The following DACH1 variants were observed in gnomAD, a reference collection of about 807,000 sequenced individuals.
DACH1 encodes the protein dachshund homolog 1.
In DACH1, 12 loss-of-function variants were observed where a neutral mutation model predicts 54.2. The ratio of observed to expected loss-of-function variants is 0.22; its 90% CI spans 0.14 to 0.36. DACH1 has a LOEUF of 0.36. DACH1 is among the 10% of genes least tolerant of loss of function. DACH1 has a pLI of 1.00. For missense variants in DACH1, 805 were observed against 929.8 expected (o/e 0.87, Z 1.75); for synonymous variants, 386 against 366.2 (o/e 1.05, Z -0.62).
intron 6 of DACH1, among the ~76,000 whole-genome samples, chr13:71,520,242 T>C (rs534903619): frequency 1.3e-5 from 2 of 151,576 alleles, no homozygotes; most frequent in South Asian, 2.1e-4. Context: ...AATGGTACCA[T>C]CTTCAGAAGA....
intron 10 of DACH1, among the ~76,000 whole-genome samples, chr13:71,447,409 T>C (rs1453682763): frequency 6.6e-6 from 1 of 152,242 alleles, no homozygotes; most frequent in Non-Finnish European, 1.5e-5. Context: ...TTTAATGTAT[T>C]ATTATATGAA....
chr13:71,835,884 C>G (rs566116298), intron 1 of DACH1, among the ~76,000 whole-genome samples: 1 of 152,022 alleles, frequency 6.6e-6, no homozygotes, highest in Non-Finnish European at 1.5e-5. Context: ...CTTCTACTAT[C>G]TCATAAAATC....
chr13:71,543,722 C>T (rs911241084), intron 6 of DACH1, among the ~76,000 whole-genome samples: 3 of 152,084 alleles, frequency 2.0e-5, no homozygotes, highest in Admixed American at 1.3e-4. Context: ...GAGAATGTAG[C>T]ACCATTCATC....
In DACH1 at chr13:71,682,470, C is replaced by T. The variant is rs182627549; in HGVS notation, c.849-560G>A. Reference sequence around the variant, plus strand: ...TTTTCGATGATATGTTTTATTACTTCGCACTGCTAGCCTGATATCTAGATG... The same window carrying T: ...TTTTCGATGATATGTTTTATTACTTTGCACTGCTAGCCTGATATCTAGATG... On this transcript the variant is annotated intron_variant, in intron 1 of 10. Coordinates refer to ENST00000613252, the MANE Select transcript of DACH1 (RefSeq NM_080759.6). Among the ~76,000 whole-genome samples the T allele has an allele frequency of 2.8e-4, 42 of 152,224 alleles. 1 individual carries two copies. The highest frequency in any genetic ancestry group is 2.3e-3 in the South Asian group (11 of 4,812).
chr13:71,487,741 C>T (rs1878655873), intron 7 of DACH1, among the ~76,000 whole-genome samples: 1 of 152,086 alleles, frequency 6.6e-6, no homozygotes, highest in South Asian at 2.1e-4. Context: ...GAGTTTTATA[C>T]ATAAGAAAAT....
chr13:71,634,680 T>C (rs772139094), intron 2 of DACH1, among the ~76,000 whole-genome samples: 3 of 152,168 alleles, frequency 2.0e-5, no homozygotes, highest in Non-Finnish European at 2.9e-5. Context: ...TTTAAAGAGC[T>C]GTACCTGACC....
intron 1 of DACH1, among the ~76,000 whole-genome samples, chr13:71,760,729 A>T (rs1885369390): frequency 6.6e-6 from 1 of 152,316 alleles, no homozygotes; most frequent in Non-Finnish European, 1.5e-5. Context: ...TGGCCAATTT[A>T]TCTTTCCAAA....
At chr13:71,628,631 A>T (rs184145745) in intron 3 of DACH1, among the ~76,000 whole-genome samples, 2 of 152,234 alleles carry the variant, frequency 1.3e-5, no homozygotes, top group African/African-American at 4.8e-5. Context: ...AATGAAAAAA[A>T]GTCATTTATT....
chr13:71,501,830 T>A (rs890828667), intron 6 of DACH1, among the ~76,000 whole-genome samples: 4 of 152,216 alleles, frequency 2.6e-5, no homozygotes, highest in Non-Finnish European at 5.9e-5. Flanking sequence ...ATGTTTTAAA[T>A]GCTTTGCATG....
intron 1 of DACH1, among the ~76,000 whole-genome samples, chr13:71,757,482 C>T (rs1212504909): frequency 6.6e-6 from 1 of 151,578 alleles, no homozygotes; most frequent in Non-Finnish European, 1.5e-5. Context: ...GCCAATCTCA[C>T]CAGTCTGTTG....
At chr13:71,694,515 A>C (rs1881717177) in intron 1 of DACH1, among the ~76,000 whole-genome samples, 1 of 152,236 alleles carries the variant, frequency 6.6e-6, no homozygotes, top group Admixed American at 6.5e-5. Context: ...ATTGAATTTT[A>C]TTTAATTCTT....
rs116819118 is a variant in DACH1 at position 71,608,931 on chromosome 13, A to G, written c.1126+21625T>C. 5.2e-3 allele frequency among the ~76,000 whole-genome samples: 785 copies of G among 152,264 alleles called. 7 individuals carry two copies. Among genetic ancestry groups the G allele is most frequent in the African/African-American group, 0.018 (744 of 41,568 alleles). ...GTACCTCTCCTTATGAAGACATGGCATAACTGAGGAAGATAAAACAGGAAC... is the reference window on the plus strand; with the variant it reads ...GTACCTCTCCTTATGAAGACATGGCGTAACTGAGGAAGATAAAACAGGAAC... On this transcript the variant is annotated intron_variant, in intron 3 of 10. Transcript: ENST00000613252.
intron 1 of DACH1, among the ~76,000 whole-genome samples, chr13:71,759,264 T>C (rs1316553693): frequency 2.0e-5 from 3 of 151,948 alleles, no homozygotes; most frequent in Non-Finnish European, 4.4e-5. Flanking sequence ...TGACCTTAAA[T>C]GTGGAAGATG....
At chr13:71,816,582 G>A (rs9318034) in intron 1 of DACH1, among the ~76,000 whole-genome samples, 94,581 of 137,996 alleles carry the variant, frequency 0.69, 32,305 homozygotes, top group East Asian at 0.88. Flanking sequence ...ATATATACAC[G>A]TATATATATA....
intron 1 of DACH1, 39 bp downstream of exon 1, chr13:71,865,883 A>C (rs1055218840): frequency 4.5e-6 from 7 of 1,539,732 alleles, no homozygotes; most frequent in Non-Finnish European, 6.1e-6. Context: ...GGCTGGTGGG[A>C]AGGGGCGCGG....
intron 1 of DACH1, among the ~76,000 whole-genome samples, chr13:71,791,007 C>A (rs1200809670): frequency 6.6e-6 from 1 of 152,178 alleles, no homozygotes; most frequent in Non-Finnish European, 1.5e-5. Flanking sequence ...AAATGATCCA[C>A]TATTTTTCAA....
chr13:71,444,418 A>T (rs1001024869), intron 10 of DACH1, among the ~76,000 whole-genome samples: 4 of 152,108 alleles, frequency 2.6e-5, no homozygotes, highest in Non-Finnish European at 4.4e-5. Context: ...CTTATTTTTT[A>T]AAAAATACGC....
At chr13:71,583,242 G>A (rs999796216) in intron 3 of DACH1, among the ~76,000 whole-genome samples, 6 of 152,058 alleles carry the variant, frequency 3.9e-5, no homozygotes, top group Admixed American at 6.6e-5. Context: ...CTAAACACAG[G>A]TTTAAGTTTA....
intron 1 of DACH1, among the ~76,000 whole-genome samples, chr13:71,799,764 C>T (rs1887214319): frequency 6.6e-6 from 1 of 151,892 alleles, no homozygotes; most frequent in Non-Finnish European, 1.5e-5. Flanking sequence ...GGCATAGGTG[C>T]AGAATGTATT....
Sources: allele counts gnomAD v4.1 joint callset (sites outside exome capture counted in the v4.1 genomes callset), GRCh38; gene constraint gnomAD v4.1.1; transcripts MANE v1.5; gene names NCBI Gene and HGNC (gene_info 2026-07-23, HGNC 2026-07-21).